The following NFATC2 variants were observed in gnomAD, a reference collection of about 807,000 sequenced individuals.
NFATC2 encodes the protein nuclear factor of activated T-cells, cytoplasmic 2.
Under a neutral mutation model 87.3 loss-of-function variants are expected in NFATC2, and 22 were observed. The observed-to-expected ratio is 0.25, with a 90% CI of 0.18 to 0.36. The LOEUF (loss-of-function observed/expected upper bound fraction) is 0.36, where lower values mean the gene tolerates loss of function less well. Ranked by LOEUF, NFATC2 falls within the 10% of genes least tolerant of loss-of-function variation. The probability of loss-of-function intolerance (pLI) is 1.00; values close to 1 mark genes in which losing one functional copy is unlikely to be tolerated. For synonymous variants in NFATC2, 565 were observed against 542.2 expected (o/e 1.04, Z -0.58); for missense variants, 1,149 against 1,259.1 (o/e 0.91, Z 1.32).
intron 4 of NFATC2, among the ~76,000 whole-genome samples, chr20:51,474,581 T>C (rs994930216): frequency 2.0e-5 from 3 of 152,180 alleles, no homozygotes; most frequent in Non-Finnish European, 1.5e-5. Flanking sequence ...AGTCTGCAAA[T>C]ACCTCTCAAA....
intron 6 of NFATC2, among the ~76,000 whole-genome samples, chr20:51,445,804 C>T (rs1568987987): frequency 6.6e-6 from 1 of 152,318 alleles, no homozygotes; most frequent in East Asian, 1.9e-4. Context: ...TCAATAAACA[C>T]CCGGGAAATG....
intron 1 of NFATC2, among the ~76,000 whole-genome samples, chr20:51,547,769 C>T (rs1338086777): frequency 6.6e-6 from 1 of 152,184 alleles, no homozygotes; most frequent in Non-Finnish European, 1.5e-5. Context: ...CTTGAGTCCT[C>T]GCCTTTTCTC....
At chr20:51,552,365 T>C (rs1032643920) in intron 1 of NFATC2, among the ~76,000 whole-genome samples, 1 of 152,210 alleles carries the variant, frequency 6.6e-6, no homozygotes, top group Non-Finnish European at 1.5e-5. Flanking sequence ...ATTTCTTGCA[T>C]TTTGCTCCCC....
intron 3 of NFATC2, among the ~76,000 whole-genome samples, chr20:51,508,295 C>A (rs1021414053): frequency 6.6e-6 from 1 of 152,138 alleles, no homozygotes; most frequent in Admixed American, 6.5e-5. Context: ...CCGACCCTGG[C>A]GCACCCTCCC....
At chr20:51,452,881 G>A (rs572643688) in intron 6 of NFATC2, 2 of 154,842 alleles carry the variant, frequency 1.3e-5, no homozygotes, top group South Asian at 2.0e-4. Context: ...GCTTTTCAGG[G>A]GATAGATGAT....
chr20:51,490,910 G>A (rs1196379355), intron 3 of NFATC2, among the ~76,000 whole-genome samples: 1 of 152,238 alleles, frequency 6.6e-6, no homozygotes, highest in Non-Finnish European at 1.5e-5. Flanking sequence ...CAGCAGAGGA[G>A]GTGCTGAAGC....
intron 3 of NFATC2, among the ~76,000 whole-genome samples, chr20:51,503,989 A>G (rs940794529): frequency 6.6e-6 from 1 of 152,000 alleles, no homozygotes; most frequent in Non-Finnish European, 1.5e-5. Flanking sequence ...GATTACAAGC[A>G]TGCACCACCA....
intron 9 of NFATC2, among the ~76,000 whole-genome samples, chr20:51,422,129 C>A (rs1281442848): frequency 6.6e-6 from 1 of 152,142 alleles, no homozygotes; most frequent in Non-Finnish European, 1.5e-5. Context: ...TCAGATGAAA[C>A]CTATTTGTTG....
chr20:51,535,237 G>A (rs2076700405), intron 1 of NFATC2, among the ~76,000 whole-genome samples: 1 of 152,214 alleles, frequency 6.6e-6, no homozygotes, highest in Non-Finnish European at 1.5e-5. Context: ...GCCTGCAGAA[G>A]ATGACATGAG....
chr20:51,465,608 C>T (rs990380913), intron 5 of NFATC2, among the ~76,000 whole-genome samples: 2 of 152,108 alleles, frequency 1.3e-5, no homozygotes, highest in African/African-American at 4.8e-5. Context: ...TATACTTCCC[C>T]GTGGACCAAT....
intron 3 of NFATC2, among the ~76,000 whole-genome samples, chr20:51,493,716 G>A (rs1382415510): frequency 6.6e-6 from 1 of 152,174 alleles, no homozygotes; most frequent in African/African-American, 2.4e-5. Flanking sequence ...CAGGAACAGA[G>A]TCGATCACAT....
chr20:51,557,018 T>C (rs1425188357), intron 1 of NFATC2, among the ~76,000 whole-genome samples: 1 of 152,198 alleles, frequency 6.6e-6, no homozygotes, highest in Admixed American at 6.5e-5. Context: ...CAGCTCATCT[T>C]GGCTGAATAG....
intron 6 of NFATC2, among the ~76,000 whole-genome samples, chr20:51,445,951 C>T (rs1427557038): frequency 6.6e-6 from 1 of 152,176 alleles, no homozygotes; most frequent in Non-Finnish European, 1.5e-5. Context: ...CTCTTCTCGG[C>T]CCTAAGCTGT....
At chr20:51,416,184 C>T (rs1980016245) in intron 9 of NFATC2, among the ~76,000 whole-genome samples, 1 of 152,094 alleles carries the variant, frequency 6.6e-6, no homozygotes, top group African/African-American at 2.4e-5. Flanking sequence ...ATCACTTGAA[C>T]CCTGAAGGCA....
upstream of NFATC2, chr20:51,542,748 G>C: frequency 4.4e-6 from 3 of 679,192 alleles, no homozygotes; most frequent in African/African-American, 7.0e-5. Context: ...GCCCGGGGAG[G>C]CGGGGGGGGG....
chr20:51,431,979 G>A, intron 9 of NFATC2, 88 bp downstream of exon 9: 2 of 1,352,044 alleles, frequency 1.5e-6, no homozygotes, highest in Non-Finnish European at 2.0e-6. Flanking sequence ...AGAGATTACG[G>A]AATCCGTAGG....
chr20:51,489,190 A>G (rs1276322598), intron 3 of NFATC2, among the ~76,000 whole-genome samples: 1 of 152,214 alleles, frequency 6.6e-6, no homozygotes, highest in African/African-American at 2.4e-5. Context: ...ACTGTCTCAA[A>G]AAAAAGAAGT....
In NFATC2 at chr20:51,523,309, G is replaced by A; in HGVS notation, c.932C>T (p.Ala311Val). Residue 311 changes from alanine (A) to valine (V), a missense_variant, in exon 2 of 11, where the codon GCC becomes GTC. By Grantham distance (64) the Ala-to-Val change is moderately conservative (BLOSUM62 0). This residue lies in a region of NFATC2 where 563 missense variants were observed against 585.2 expected (regional missense o/e 0.96). Transcript: ENST00000371564. This position sits in a 1 kb window ranked among gnomAD's most constrained non-coding sequence, Gnocchi z 6.9. ...GGGGATCCCACAAGGCGAGTCCGTG[G>A]CGAGGCTGTTCAGGGCATCCATGAT... The part of the protein sequence containing the change: ...AVIMDALNSL[A>V]TDSPCGIPPK... 6.2e-7 allele frequency: 1 copy of A among 1,613,724 alleles called. No individual in the cohort carries two copies. The highest frequency in any genetic ancestry group is 2.2e-5 in the East Asian group (1 of 44,860).
At chr20:51,520,230 T>C (rs1432017164) in intron 2 of NFATC2, among the ~76,000 whole-genome samples, 1 of 152,224 alleles carries the variant, frequency 6.6e-6, no homozygotes, top group African/African-American at 2.4e-5. Flanking sequence ...TTTATAGCAG[T>C]GTCCCTCCCT....
Sources: gnomAD v4.1 joint callset for allele counts (sites outside exome capture counted in the v4.1 genomes callset) on GRCh38, gnomAD v4.1.1 for gene constraint, gnomAD v4.1.1 regional missense constraint, Gnocchi (gnomAD v3.1) non-coding constraint, MANE v1.5 for transcripts, NCBI Gene and HGNC (gene_info 2026-07-23, HGNC 2026-07-21) for gene names.